The following SYNPR variants were observed in gnomAD, a reference collection of about 807,000 sequenced individuals.
SYNPR encodes synaptoporin.
Under a neutral mutation model 32.9 loss-of-function variants are expected in SYNPR, and 23 were observed. The ratio of observed to expected loss-of-function variants is 0.70; its 90% CI spans 0.50 to 0.99. The LOEUF is 0.99. SYNPR is among the 50% of genes least tolerant of loss of function. The probability of loss-of-function intolerance (pLI) is 0.00; values close to 1 mark genes in which losing one functional copy is unlikely to be tolerated. For missense variants in SYNPR, 318 were observed against 349.3 expected (o/e 0.91, Z 0.71); for synonymous variants, 146 against 135.9 (o/e 1.07, Z -0.52).
chr3:63,457,681 A>G (rs905556785), intron 2 of SYNPR, among the ~76,000 whole-genome samples: 3 of 152,162 alleles, frequency 2.0e-5, no homozygotes, highest in Non-Finnish European at 4.4e-5. Context: ...GAAAAATTCT[A>G]ATTTGTATTA....
Position 63,396,973 on chromosome 3 carries a change from A to G in SYNPR, c.85-83859A>G, listed in dbSNP as rs148307187. On this transcript the variant is annotated intron_variant, in intron 2 of 5. Coordinates refer to ENST00000478300, the MANE Select transcript of SYNPR (RefSeq NM_001130003.2). ...CAAAATATTAGCCAGGCGTGGTGGC[A>G]GGCACCTGTAGTCTCAGCCACTCAG... 7.4e-3 allele frequency among the ~76,000 whole-genome samples: 1,132 copies of G among 152,178 alleles called. 10 individuals are homozygous for G. Among genetic ancestry groups the G allele is most frequent in the African/African-American group, 0.026 (1,064 of 41,534 alleles).
At chr3:63,271,067 C>CT (rs11423359) in intron 3 of SYNPR, among the ~76,000 whole-genome samples, 93,321 of 144,468 alleles carry the variant, frequency 0.65, 31,086 homozygotes, top group South Asian at 0.75. Context: ...TACCTTCTCT[C>CT]TTTTAAGTGT....
At chr3:63,280,037 A>G (rs1429355817) in intron 2 of SYNPR, among the ~76,000 whole-genome samples, 3 of 152,214 alleles carry the variant, frequency 2.0e-5, no homozygotes, top group Non-Finnish European at 2.9e-5. Flanking sequence ...TCAGCCATTC[A>G]ATAAATATTT....
At chr3:63,237,443 T>C (rs2086208066) in intron 1 of SYNPR, among the ~76,000 whole-genome samples, 1 of 152,192 alleles carries the variant, frequency 6.6e-6, no homozygotes, top group Non-Finnish European at 1.5e-5. Flanking sequence ...AATTTTCATG[T>C]GCGTCAAGAG....
intron 2 of SYNPR, among the ~76,000 whole-genome samples, chr3:63,254,803 T>C (rs2086367976): frequency 6.6e-6 from 1 of 152,198 alleles, no homozygotes; most frequent in Admixed American, 6.5e-5. Context: ...TTAAGTTATG[T>C]ATAATTTACA....
At chr3:63,251,133 C>G (rs776159739) in intron 1 of SYNPR, among the ~76,000 whole-genome samples, 8 of 151,378 alleles carry the variant, frequency 5.3e-5, no homozygotes, top group Non-Finnish European at 1.2e-4. Flanking sequence ...TATATTGTTT[C>G]GTTCAGAGAA....
intron 2 of SYNPR, among the ~76,000 whole-genome samples, chr3:63,279,052 G>T (rs1258216325): frequency 6.6e-6 from 1 of 152,198 alleles, no homozygotes; most frequent in African/African-American, 2.4e-5. Context: ...TAGGGGAGGG[G>T]GGCGCATGGA....
chr3:63,437,424 T>A (rs144313975), intron 2 of SYNPR, among the ~76,000 whole-genome samples: 1 of 152,118 alleles, frequency 6.6e-6, no homozygotes, highest in African/African-American at 2.4e-5. Flanking sequence ...ATCCACCTGT[T>A]TGTGTTAGTC....
intron 3 of SYNPR, among the ~76,000 whole-genome samples, chr3:63,544,432 T>C (rs1381260644): frequency 1.3e-5 from 2 of 152,100 alleles, no homozygotes; most frequent in African/African-American, 2.4e-5. Flanking sequence ...GGATAATACC[T>C]TTTCAGTGGT....
upstream of SYNPR, among the ~76,000 whole-genome samples, chr3:63,275,780 G>A (rs931765401): frequency 1.3e-5 from 2 of 152,142 alleles, no homozygotes; most frequent in Non-Finnish European, 2.9e-5. Flanking sequence ...CAGGTAGCAG[G>A]AACTAAACTG....
At chr3:63,371,282 G>C (rs1487547710) in intron 2 of SYNPR, among the ~76,000 whole-genome samples, 2 of 151,864 alleles carry the variant, frequency 1.3e-5, no homozygotes, top group Non-Finnish European at 2.9e-5. Context: ...TGTGGAGTCT[G>C]GTAAGAGAAG....
At position 63,513,477 on chromosome 3, in the gene SYNPR, T is replaced by C. The variant is rs554202636; in HGVS notation, c.209+32521T>C. ...CACTTTGTCCTTTTTAATAGCTGCA[T>C]GGTATTATAGGATAGATGAACCAAA... On this transcript the variant is annotated intron_variant, in intron 3 of 5. Coordinates refer to ENST00000478300, the MANE Select transcript of SYNPR (RefSeq NM_001130003.2). Among the ~76,000 whole-genome samples the C allele has an allele frequency of 2.0e-5, 3 of 152,280 alleles. No individual in the cohort carries two copies. The East Asian group carries it at 5.8e-4, about 29-fold the overall frequency.
chr3:63,430,390 ACACAC>A (rs1232976339), intron 2 of SYNPR, among the ~76,000 whole-genome samples: 6 of 136,408 alleles, frequency 4.4e-5, no homozygotes, highest in Non-Finnish European at 3.3e-5. Context: ...ACACACACAC[ACACAC>A]AACCTTATCC....
chr3:63,615,446 C>A lies in SYNPR; in HGVS notation c.823C>A (p.Pro275Thr), dbSNP rs745620683. Residue 275 changes from proline (P) to threonine (T), a missense_variant, in exon 6 of 6, where the codon CCT (proline) becomes ACT (threonine). Pro to Thr is a conservative substitution (Grantham distance 38). Transcript: ENST00000478300. ...GPTSDEFGQQ[P>T]TGPTSFTNQI ...AACCTCAGATGAGTTTGGCCAACAG[C>A]CTACTGGCCCCACTTCCTTTACCAA... 1 of 1,613,956 alleles carries A rather than the reference C, an allele frequency of 6.2e-7. No homozygotes were observed. Among genetic ancestry groups the A allele is most frequent in the Non-Finnish European group, 8.5e-7 (1 of 1,179,878 alleles).
intron 3 of SYNPR, among the ~76,000 whole-genome samples, chr3:63,482,499 C>A (rs1012309338): frequency 6.6e-6 from 1 of 152,150 alleles, no homozygotes; most frequent in Non-Finnish European, 1.5e-5. Context: ...CTTCTCCCTG[C>A]CACACACCTT....
At chr3:63,548,772 A>T (rs1004042525) in intron 3 of SYNPR, among the ~76,000 whole-genome samples, 1 of 152,158 alleles carries the variant, frequency 6.6e-6, no homozygotes, top group Non-Finnish European at 1.5e-5. Context: ...CAATGACAGC[A>T]GCCTGCTCCC....
chr3:63,462,965 T>C (rs2106658899), intron 2 of SYNPR, among the ~76,000 whole-genome samples: 1 of 152,280 alleles, frequency 6.6e-6, no homozygotes, highest in East Asian at 1.9e-4. Context: ...TGGGTTCCAC[T>C]GTTCCTGTCA....
intron 4 of SYNPR, among the ~76,000 whole-genome samples, chr3:63,579,926 G>C (rs979249949): frequency 1.3e-5 from 2 of 150,332 alleles, no homozygotes; most frequent in Admixed American, 6.7e-5. Context: ...AAAATGGGGG[G>C]AGGACTGTTC....
chr3:63,530,200 A>G (rs995666726), intron 3 of SYNPR, among the ~76,000 whole-genome samples: 1 of 152,168 alleles, frequency 6.6e-6, no homozygotes, highest in Non-Finnish European at 1.5e-5. Context: ...TTTTTGAACA[A>G]AGAACTCCCA....
Sources: allele counts gnomAD v4.1 joint callset (sites outside exome capture counted in the v4.1 genomes callset), GRCh38; gene constraint gnomAD v4.1.1; transcripts MANE v1.5; gene names NCBI Gene and HGNC (gene_info 2026-07-23, HGNC 2026-07-21).